Variants in LINGO2 observed in about 807,000 individuals in gnomAD.
LINGO2 encodes leucine-rich repeat and immunoglobulin-like domain-containing nogo receptor-interacting protein 2.
Under a neutral mutation model 30.6 loss-of-function variants are expected in LINGO2, and 14 were observed. That is an observed-to-expected ratio of 0.46 (90% CI 0.30 to 0.72). The LOEUF is 0.72. Ranked by LOEUF, LINGO2 falls within the 30% of genes least tolerant of loss-of-function variation. The pLI is 0.07. For synonymous variants in LINGO2, 317 were observed against 288.5 expected (o/e 1.10, Z -1.00); for missense variants, 729 against 751.7 (o/e 0.97, Z 0.35).
chr9:29,011,588 T>A, the LINGO2 span, among the ~76,000 whole-genome samples: 6 of 152,172 alleles, frequency 3.9e-5, no homozygotes, highest in Non-Finnish European at 7.4e-5. Context: ...ACAAGAAAGA[T>A]CACCAAGGCA....
intron 1 of LINGO2, among the ~76,000 whole-genome samples, chr9:28,554,095 G>C (rs970414460): frequency 1.3e-5 from 2 of 151,868 alleles, no homozygotes; most frequent in East Asian, 1.9e-4. Context: ...ATCAACTAAC[G>C]AGCAAAATCA....
intron 3 of LINGO2, among the ~76,000 whole-genome samples, chr9:28,299,023 T>C (rs1394501047): frequency 1.3e-5 from 2 of 152,184 alleles, no homozygotes; most frequent in African/African-American, 2.4e-5. Flanking sequence ...CTTATTGCTT[T>C]GAAGAAAGCT....
At chr9:28,608,269 C>T (rs1365042467) in intron 1 of LINGO2, among the ~76,000 whole-genome samples, 1 of 151,690 alleles carries the variant, frequency 6.6e-6, no homozygotes, top group Non-Finnish European at 1.5e-5. Context: ...AACACACTGA[C>T]ATGGTAAGGC....
At chr9:28,408,774 C>CAAAAAAAAAAAAAA (rs68142692) in intron 2 of LINGO2, among the ~76,000 whole-genome samples, 1 of 127,566 alleles carries the variant, frequency 7.8e-6, no homozygotes, top group African/African-American at 3.3e-5. Context: ...TATAAAAAAA[C>CAAAAAAAAAAAAAA]AAAAAAAAAA....
the LINGO2 span, among the ~76,000 whole-genome samples, chr9:28,992,167 G>A: frequency 1.3e-5 from 2 of 151,818 alleles, no homozygotes; most frequent in South Asian, 4.1e-4. Flanking sequence ...AAGGATGGAG[G>A]AAGATCTACC....
chr9:28,370,697 G>A (rs939196261), intron 3 of LINGO2, among the ~76,000 whole-genome samples: 3 of 152,116 alleles, frequency 2.0e-5, no homozygotes, highest in Non-Finnish European at 4.4e-5. Flanking sequence ...TGTTGTTACA[G>A]AAAGGTTTCT....
intron 1 of LINGO2, among the ~76,000 whole-genome samples, chr9:28,642,408 C>T (rs192261471): frequency 6.6e-6 from 1 of 152,136 alleles, no homozygotes; most frequent in Non-Finnish European, 1.5e-5. Context: ...TTATTTCATA[C>T]ATTTCGAGGA....
At chr9:28,942,610 G>A in the LINGO2 span, among the ~76,000 whole-genome samples, 24,401 of 152,062 alleles carry the variant, frequency 0.16, 1,991 homozygotes, top group South Asian at 0.2. Context: ...ACGATGCCCA[G>A]GAAACATTTT....
chr9:28,514,362 ATAGGCTGAAAAC>A (rs1173902306), intron 1 of LINGO2, among the ~76,000 whole-genome samples: 1 of 152,244 alleles, frequency 6.6e-6, no homozygotes, highest in African/African-American at 2.4e-5. Flanking sequence ...GAAAGCTAAG[ATAGGCTGAAAAC>A]TATGCCTCTT....
At chr9:29,190,329 A>G in the LINGO2 span, among the ~76,000 whole-genome samples, 1 of 152,130 alleles carries the variant, frequency 6.6e-6, no homozygotes, top group African/African-American at 2.4e-5. Flanking sequence ...TAATTACTGT[A>G]AATTACTTTA....
chr9:28,275,025 GT>G (rs1328508481), intron 4 of LINGO2, among the ~76,000 whole-genome samples: 1 of 152,026 alleles, frequency 6.6e-6, no homozygotes, highest in East Asian at 1.9e-4. Flanking sequence ...AGTCATGTCT[GT>G]TTCTAGTTCA....
At chr9:28,331,889 T>C (rs1049828625) in intron 3 of LINGO2, among the ~76,000 whole-genome samples, 1 of 152,212 alleles carries the variant, frequency 6.6e-6, no homozygotes, top group Non-Finnish European at 1.5e-5. Context: ...AACCTGGATG[T>C]GGTGGGCGCA....
Position 28,109,991 on chromosome 9 carries a change from A to G in LINGO2, c.-86-97586T>C, listed in dbSNP as rs1447660784. On this transcript the variant is annotated intron_variant, in intron 4 of 5. Coordinates refer to ENST00000379992, the Ensembl canonical transcript of LINGO2. ...GAGGCATCATGCTACCTGTTTCCAA[A>G]CTATACTACAAGACTACAGTAACCA... Among the ~76,000 whole-genome samples, 2 of 152,174 alleles carry G rather than the reference A, an allele frequency of 1.3e-5. 1 individual carries two copies. Among genetic ancestry groups the G allele is most frequent in the Non-Finnish European group, 2.9e-5 (2 of 68,020 alleles).
Position 28,250,802 on chromosome 9 carries a change from T to C in LINGO2, c.-87+44406A>G, listed in dbSNP as rs143166159. ...GTAATACGGCACGCTTCCCACTCCC[T>C]ATTCAGGGGTTGCCAGAGGAGGACT... On this transcript the variant is annotated intron_variant, in intron 4 of 5. Transcript: ENST00000379992. 1.5e-3 allele frequency among the ~76,000 whole-genome samples: 235 copies of C among 152,300 alleles called. 2 individuals are homozygous for C. The highest frequency in any genetic ancestry group is 3.1e-3 in the Non-Finnish European group (208 of 68,018).
At chr9:28,806,408 A>G in the LINGO2 span, among the ~76,000 whole-genome samples, 1 of 152,176 alleles carries the variant, frequency 6.6e-6, no homozygotes, top group Non-Finnish European at 1.5e-5. Context: ...TATTATATTA[A>G]TAACTTGATT....
the LINGO2 span, among the ~76,000 whole-genome samples, chr9:28,792,023 TTAAAA>T: frequency 6.6e-6 from 1 of 151,228 alleles, no homozygotes; most frequent in Non-Finnish European, 1.5e-5. Flanking sequence ...TATATACACT[TTAAAA>T]TATAGATATA....
At chr9:28,622,966 C>T (rs1826480741) in intron 1 of LINGO2, among the ~76,000 whole-genome samples, 1 of 151,914 alleles carries the variant, frequency 6.6e-6, no homozygotes, top group South Asian at 2.1e-4. Context: ...TATTATAGGT[C>T]TGCTTGCCAT....
chr9:28,825,580 T>A, the LINGO2 span, among the ~76,000 whole-genome samples: 1 of 148,042 alleles, frequency 6.8e-6, no homozygotes, highest in Non-Finnish European at 1.5e-5. Flanking sequence ...TTTTTTTTTT[T>A]AATATTACAT....
At chr9:29,013,242 C>T in the LINGO2 span, among the ~76,000 whole-genome samples, 3 of 152,126 alleles carry the variant, frequency 2.0e-5, no homozygotes, top group African/African-American at 7.2e-5. Flanking sequence ...TTTTTCAGAC[C>T]TCTTGGGAAG....
Sources: gnomAD v4.1 joint callset for allele counts (sites outside exome capture counted in the v4.1 genomes callset) on GRCh38, gnomAD v4.1.1 for gene constraint, MANE v1.5 for transcripts, NCBI Gene and HGNC (gene_info 2026-07-23, HGNC 2026-07-21) for gene names.